Variants in GRIP1 observed in about 807,000 individuals in gnomAD.
The protein encoded by GRIP1 is glutamate receptor interacting protein 1, also known as glutamate receptor-interacting protein 1.
GRIP1 carries 45 observed loss-of-function variants against 129.9 expected under a neutral mutation model. That is an observed-to-expected ratio of 0.35 (90% CI 0.27 to 0.44). The LOEUF (loss-of-function observed/expected upper bound fraction) is 0.44. GRIP1 is among the 20% of genes least tolerant of loss of function. GRIP1 has a pLI of 1.00. For missense variants in GRIP1, 1,196 were observed against 1,396.8 expected (o/e 0.86, Z 2.29); for synonymous variants, 530 against 520.8 (o/e 1.02, Z -0.24).
At chr12:66,967,135 T>G (rs1027265123) in intron 1 of GRIP1, among the ~76,000 whole-genome samples, 1 of 152,190 alleles carries the variant, frequency 6.6e-6, no homozygotes, top group Non-Finnish European at 1.5e-5. Context: ...AAGCATTGCT[T>G]TCCTTGCATC....
rs562717188 is a variant in GRIP1 at position 66,767,619 on chromosome 12, T to C, written c.-420+36434A>G. ...TCAGTATAACTGACTTTTGACGGTA[T>C]TAATAGGCTACCAGGCTGATTTCTT... On this transcript the variant is annotated intron_variant, in intron 1 of 4. Coordinates refer to the GRIP1 transcript ENST00000538373. Among the ~76,000 whole-genome samples, 3 of 150,034 alleles carry C rather than the reference T, an allele frequency of 2.0e-5. No homozygotes were observed. In the South Asian group the frequency reaches 6.3e-4, roughly 32 times the overall value.
intron 1 of GRIP1, among the ~76,000 whole-genome samples, chr12:66,894,624 A>G (rs1405657606): frequency 6.6e-6 from 1 of 152,098 alleles, no homozygotes; most frequent in Non-Finnish European, 1.5e-5. Context: ...TTGCCTTCCA[A>G]GGTCCTCATA....
chr12:66,504,209 A>G (rs1374581988), intron 7 of GRIP1, among the ~76,000 whole-genome samples: 4 of 152,218 alleles, frequency 2.6e-5, no homozygotes, highest in African/African-American at 9.6e-5. Context: ...TATTCTAAAT[A>G]CAAAGTCTCT....
intron 2 of GRIP1, among the ~76,000 whole-genome samples, chr12:66,559,080 T>A (rs746001541): frequency 6.6e-6 from 1 of 151,682 alleles, no homozygotes; most frequent in Non-Finnish European, 1.5e-5. Flanking sequence ...AAAAACCACA[T>A]GATCATCTCA....
chr12:66,695,562 G>T lies in GRIP1; in HGVS notation c.-419-65226C>A, dbSNP rs1289997714. 3.3e-5 allele frequency among the ~76,000 whole-genome samples: 5 copies of T among 152,304 alleles called. No homozygotes were observed. In the East Asian group the frequency reaches 9.7e-4, roughly 29 times the overall value. On this transcript the variant is annotated intron_variant, in intron 1 of 4. Transcript: ENST00000538373. ...AAAGCCCTTGCTAGGCAGGTAGGAG[G>T]TTATCTTATCCAAAACTGCTACAGT...
intron 1 of GRIP1, among the ~76,000 whole-genome samples, chr12:66,841,975 T>A (rs1393544491): frequency 2.0e-5 from 3 of 152,174 alleles, no homozygotes; most frequent in Non-Finnish European, 2.9e-5. Context: ...CTGGCTATTT[T>A]CACTTGCCAA....
chr12:66,565,680 A>T (rs956009097), intron 2 of GRIP1, among the ~76,000 whole-genome samples: 5 of 152,166 alleles, frequency 3.3e-5, no homozygotes, highest in African/African-American at 1.2e-4. Context: ...TGGTAGCTTG[A>T]TGGGGATGGC....
intron 1 of GRIP1, among the ~76,000 whole-genome samples, chr12:66,942,107 G>A (rs911150821): frequency 6.6e-6 from 1 of 152,146 alleles, no homozygotes; most frequent in Non-Finnish European, 1.5e-5. Context: ...TCCTGACAAT[G>A]ACTATAGATA....
intron 1 of GRIP1, among the ~76,000 whole-genome samples, chr12:67,014,287 T>C (rs891560347): frequency 6.6e-6 from 1 of 152,194 alleles, no homozygotes; most frequent in East Asian, 1.9e-4. Flanking sequence ...ATTAACAAAG[T>C]TCTCTTTCAC....
At chr12:66,781,325 T>C (rs1425666632) in intron 1 of GRIP1, among the ~76,000 whole-genome samples, 1 of 152,226 alleles carries the variant, frequency 6.6e-6, no homozygotes, top group Non-Finnish European at 1.5e-5. Context: ...AAGTCTGTTT[T>C]TGTTTTTCCA....
chr12:66,836,990 G>A (rs377601280), intron 1 of GRIP1, among the ~76,000 whole-genome samples: 121 of 152,290 alleles, frequency 7.9e-4, no homozygotes, highest in African/African-American at 2.2e-3. Flanking sequence ...TTGGAGAGAA[G>A]GGAATGCAGG....
At position 66,814,545 on chromosome 12, in the gene GRIP1, A is replaced by C. The variant is rs148584319; in HGVS notation, c.59-217618T>G. ...TATTAATTCAACAAAGAATTTACTGAATACTTATTATGTGTCCAGCTGCAC... is the reference window on the plus strand; with the variant it reads ...TATTAATTCAACAAAGAATTTACTGCATACTTATTATGTGTCCAGCTGCAC... On this transcript the variant is annotated intron_variant, in intron 1 of 1. Coordinates refer to the GRIP1 transcript ENST00000643019. Among the ~76,000 whole-genome samples the C allele has an allele frequency of 2.2e-4, 34 of 151,770 alleles. 1 individual carries two copies. Among genetic ancestry groups the C allele is most frequent in the East Asian group, 1.7e-3 (9 of 5,170 alleles).
intron 1 of GRIP1, among the ~76,000 whole-genome samples, chr12:67,004,781 T>C (rs1300679654): frequency 3.9e-5 from 6 of 152,106 alleles, no homozygotes; most frequent in Admixed American, 6.6e-5. Flanking sequence ...AAAAGTATTA[T>C]AGAGTTGGGA....
chr12:67,049,833 AATAAC>A (rs1200729961), intron 1 of GRIP1, among the ~76,000 whole-genome samples: 2 of 152,156 alleles, frequency 1.3e-5, no homozygotes, highest in African/African-American at 4.8e-5. Flanking sequence ...AACTAAGTGA[AATAAC>A]ATAATTTATA....
chr12:66,928,758 A>G (rs934464343), intron 1 of GRIP1, among the ~76,000 whole-genome samples: 4 of 152,360 alleles, frequency 2.6e-5, no homozygotes, highest in Middle Eastern at 3.4e-3. Flanking sequence ...AATCTTAAAA[A>G]TGCAAGAGGA....
intron 1 of GRIP1, among the ~76,000 whole-genome samples, chr12:67,061,743 G>A (rs2043539202): frequency 6.6e-6 from 1 of 152,068 alleles, no homozygotes; most frequent in Non-Finnish European, 1.5e-5. Flanking sequence ...AAAGAAGAAA[G>A]CTATTGTACA....
intron 1 of GRIP1, among the ~76,000 whole-genome samples, chr12:66,979,250 A>AAAAC (rs1661897379): frequency 6.8e-6 from 1 of 148,054 alleles, no homozygotes; most frequent in African/African-American, 2.5e-5. Flanking sequence ...AAAAAAAAAA[A>AAAAC]AAAACAAGCC....
rs931298589 is a variant in GRIP1, at chr12:66,406,212, C to T, written c.1984+71G>A. 8 of 1,452,070 alleles carry T rather than the reference C, an allele frequency of 5.5e-6. No individual in the cohort carries two copies. The African/African-American group carries it at 1.1e-4, about 20-fold the overall frequency. 89.9% of individuals were successfully genotyped at this position (1,452,070 alleles called of 1,614,324 possible). On this transcript the variant is annotated intron_variant, in intron 16 of 24. Coordinates refer to ENST00000359742, the MANE Select transcript of GRIP1 (RefSeq NM_001366722.1). ...TAGCCAGCTGTTGTATGTAAAACAT[C>T]AAGATCTAATATCTTTGGTGACAGA...
chr12:66,863,241 A>T (rs1464853049), intron 1 of GRIP1, among the ~76,000 whole-genome samples: 1 of 152,180 alleles, frequency 6.6e-6, no homozygotes, highest in Non-Finnish European at 1.5e-5. Context: ...ATGCAGGCAT[A>T]GAGCAAGTAT....
Sources: gnomAD v4.1 joint callset for allele counts (sites outside exome capture counted in the v4.1 genomes callset) on GRCh38, gnomAD v4.1.1 for gene constraint, MANE v1.5 for transcripts, NCBI Gene and HGNC (gene_info 2026-07-23, HGNC 2026-07-21) for gene names.